The following FIS1 variants were observed in gnomAD, a reference collection of about 807,000 sequenced individuals.
FIS1 encodes the protein fission, mitochondrial 1, also known as mitochondrial fission 1 protein.
FIS1 carries 16 observed loss-of-function variants against 21.6 expected under a neutral mutation model. The observed-to-expected ratio is 0.74, with a 90% CI of 0.50 to 1.12. FIS1 has a LOEUF of 1.12. Ranked by LOEUF, FIS1 falls within the 50% of genes most tolerant of loss-of-function variation. The probability of loss-of-function intolerance (pLI) is 0.00; values close to 1 mark genes in which losing one functional copy is unlikely to be tolerated. For synonymous variants in FIS1, 92 were observed against 82.2 expected, an observed-to-expected ratio of 1.12 and a Z score of -0.65; for missense variants, 198 against 190.9, an observed-to-expected ratio of 1.04 and a Z score of -0.22.
At chr7:101,244,889 G>C in intron 1 of FIS1, 71 bp downstream of exon 1, 2 of 1,583,948 alleles carry the variant, frequency 1.3e-6, no homozygotes, top group Non-Finnish European at 1.7e-6. Flanking sequence ...AGGAGGGTTC[G>C]GCCCCTACCT....
At chr7:101,240,797 AG>A in intron 3 of FIS1, 32 bp downstream of exon 3, 1 of 1,605,614 alleles carries the variant, frequency 6.2e-7, no homozygotes, top group Non-Finnish European at 8.5e-7. Context: ...GCAGCCCCAG[AG>A]GAGGGTGAAG....
intron 1 of FIS1, 166 bp downstream of exon 1, chr7:101,244,794 T>C (rs940500791): frequency 2.0e-5 from 15 of 761,286 alleles, no homozygotes; most frequent in East Asian, 8.1e-5. Context: ...CTCTGCGGCA[T>C]AGCAGGCCCT....
chr7:101,241,273 T>G (rs1446279938), intron 2 of FIS1: 1 of 214,406 alleles, frequency 4.7e-6, no homozygotes, highest in Non-Finnish European at 9.5e-6. Flanking sequence ...CAGGCTGCGG[T>G]GCAATGGCGT....
chr7:101,240,341 C>T, intron 3 of FIS1, 94 bp from the exon 4 acceptor site: 1 of 1,294,366 alleles, frequency 7.7e-7, no homozygotes, highest in Non-Finnish European at 1.1e-6. Flanking sequence ...CTCTGTTGCC[C>T]ACGCTGGACG....
chr7:101,243,174 T>C (rs1337295937), intron 2 of FIS1, among the ~76,000 whole-genome samples: 1 of 152,176 alleles, frequency 6.6e-6, no homozygotes, highest in African/African-American at 2.4e-5. Context: ...TGCTTATAAA[T>C]GATTATTTGA....
intron 2 of FIS1, among the ~76,000 whole-genome samples, chr7:101,242,460 C>G (rs527709117): frequency 3.8e-4 from 56 of 148,294 alleles, no homozygotes; most frequent in Admixed American, 3.4e-3. Context: ...TTATTTGTAT[C>G]TTTTAAGAAA....
chr7:101,241,001 C>G, intron 2 of FIS1, 95 bp from the exon 3 acceptor site: 1 of 1,228,212 alleles, frequency 8.1e-7, no homozygotes, highest in Non-Finnish European at 1.2e-6. Context: ...CTGAATGCCT[C>G]TGTGATCCTG....
At position 101,239,921 on chromosome 7, in the gene FIS1, C is replaced by T. The variant is rs1356978982; in HGVS notation, c.362-18G>A. On this transcript the variant is annotated intron_variant, in intron 4 of 4. Transcript: ENST00000223136. ...GAGTCCATCTGGGGAAGGAAAGGGACAGTGTCAGGAGCCCGGCCCCTGCGG... is the reference window on the plus strand; with the variant it reads ...GAGTCCATCTGGGGAAGGAAAGGGATAGTGTCAGGAGCCCGGCCCCTGCGG... The T allele has an allele frequency of 6.3e-7, 1 of 1,584,818 alleles. No individual in the cohort carries two copies. The highest frequency in any genetic ancestry group is 1.1e-5 in the South Asian group (1 of 87,922).
At position 101,240,296 on chromosome 7, in the gene FIS1, T is replaced by C. The variant is rs771933452; in HGVS notation, c.256-49A>G. 3.8e-6 allele frequency: 6 copies of C among 1,579,226 alleles called. No individual in the cohort carries two copies. The African/African-American group carries it at 6.7e-5, about 18-fold the overall frequency. On this transcript the variant is annotated intron_variant, in intron 3 of 4. Coordinates refer to ENST00000223136, the MANE Select transcript of FIS1 (RefSeq NM_016068.3). ...CGTCATACACACCGCAGTGTTTTTTTGTTTGTTTGTTTTTTAATAAGAGAC... is the reference window on the plus strand; with the variant it reads ...CGTCATACACACCGCAGTGTTTTTTCGTTTGTTTGTTTTTTAATAAGAGAC...
chr7:101,240,112 G>T (rs370319087), intron 4 of FIS1, 30 bp downstream of exon 4: 3 of 1,606,736 alleles, frequency 1.9e-6, no homozygotes, highest in Non-Finnish European at 2.6e-6. Context: ...GGGGAAGAGC[G>T]GGGCTGAACA....
rs769503978 is a variant in FIS1, at chr7:101,240,863, G to A, written c.222C>T (p.Val74=). 6.2e-7 allele frequency: 1 copy of A among 1,614,144 alleles called. No homozygotes were observed. The highest frequency in any genetic ancestry group is 2.2e-5 in the East Asian group (1 of 44,880). The change falls in exon 3 of 5, where the codon GTC becomes GTT. Residue 74 remains valine, a synonymous_variant. Transcript: ENST00000223136. ...GGTAGTTCCCCACGGCCAGGTAGAAGACGTAATCCCGCTGTTCCTCCTTGC... is the reference window on the plus strand; with the variant it reads ...GGTAGTTCCCCACGGCCAGGTAGAAAACGTAATCCCGCTGTTCCTCCTTGC... ...KGSKEEQRDY[V]FYLAVGNYRL...
In FIS1 at chr7:101,240,916, G is replaced by A. The variant is rs1798739440; in HGVS notation, c.179-10C>T. On this transcript the variant is annotated splice_polypyrimidine_tract_variant and intron_variant, in intron 2 of 4. Transcript: ENST00000223136. ...CCTTTGGGCAGCAGCTCTGGGGAGG[G>A]GCAGAGAAGAGGGTGAGAAATGCTT... 2.5e-6 allele frequency: 4 copies of A among 1,613,848 alleles called. No homozygotes were observed. The highest frequency in any genetic ancestry group is 1.7e-6 in the Non-Finnish European group (2 of 1,179,802).
In FIS1 at chr7:101,240,922, G is replaced by A; in HGVS notation, c.179-16C>T. On this transcript the variant is annotated splice_polypyrimidine_tract_variant and intron_variant, in intron 2 of 4. Transcript: ENST00000223136. ...GGCAGCAGCTCTGGGGAGGGGCAGA[G>A]AAGAGGGTGAGAAATGCTTCTTTCC... is the stretch of plus-strand genomic sequence containing the variant. 6.2e-7 allele frequency: 1 copy of A among 1,613,394 alleles called. No homozygotes were observed. The highest frequency in any genetic ancestry group is 1.1e-5 in the South Asian group (1 of 91,070).
chr7:101,240,444 G>C (rs994887424), intron 3 of FIS1, among the ~76,000 whole-genome samples, 197 bp from the exon 4 acceptor site: 11 of 152,126 alleles, frequency 7.2e-5, no homozygotes, highest in Non-Finnish European at 1.6e-4. Flanking sequence ...GATTACAGGC[G>C]TGAGCCACTG....
At chr7:101,244,268 T>C (rs1015563452) in intron 1 of FIS1, 129 bp from the exon 2 acceptor site, 1 of 1,255,344 alleles carries the variant, frequency 8.0e-7, no homozygotes, top group Non-Finnish European at 1.1e-6. Flanking sequence ...CAGCTTCTGC[T>C]ATCTCCATGC....
Position 101,239,882 on chromosome 7 carries a change from A to G in FIS1, c.383T>C (p.Ile128Thr). The change falls in exon 5 of 5, where the codon ATC becomes ACC. Residue 128 changes from isoleucine (I) to threonine (T), a missense_variant. Transcript: ENST00000223136. The stretch of plus-strand genomic sequence containing the variant: ...CACACCCAGGGCCATGCCTCCCACG[A>G]TGGCCATGCCCACGAGTCCATCTGG... ...MKKDGLVGMAIVGGMALGVAG... is the reference protein window; with the variant it reads ...MKKDGLVGMATVGGMALGVAG... 2 of 1,608,048 alleles carry G rather than the reference A, an allele frequency of 1.2e-6. No individual in the cohort carries two copies. Among genetic ancestry groups the G allele is most frequent in the Non-Finnish European group, 1.7e-6 (2 of 1,177,384 alleles).
intron 2 of FIS1, chr7:101,241,124 GC>G (rs1359044436): frequency 1.7e-6 from 1 of 584,216 alleles, no homozygotes; most frequent in Non-Finnish European, 3.1e-6. Flanking sequence ...GACAGAACAT[GC>G]CTTTTATCAG....
At chr7:101,241,191 G>T in intron 2 of FIS1, 1 of 401,396 alleles carries the variant, frequency 2.5e-6, no homozygotes, top group Non-Finnish European at 4.5e-6. Context: ...CCCTGGAGAA[G>T]CCAAAGGCAG....
chr7:101,245,049 A>G lies in FIS1; in HGVS notation c.-45T>C, dbSNP rs1221674373. 3 of 1,608,134 alleles carry G rather than the reference A, an allele frequency of 1.9e-6. No individual in the cohort carries two copies. The highest frequency in any genetic ancestry group is 1.1e-5 in the South Asian group (1 of 90,268). Reference sequence around the variant, plus strand: ...CTCACACTACAGTCTACTGTGCCACAGTCTCCATGGCCCAGTGGCAGGGGC... The same window carrying G: ...CTCACACTACAGTCTACTGTGCCACGGTCTCCATGGCCCAGTGGCAGGGGC... On this transcript the variant is annotated 5_prime_UTR_variant, in exon 1 of 5. Transcript: ENST00000223136.
Sources: gnomAD v4.1 joint callset for allele counts (sites outside exome capture counted in the v4.1 genomes callset) on GRCh38, gnomAD v4.1.1 for gene constraint, MANE v1.5 for transcripts, NCBI Gene and HGNC (gene_info 2026-07-23, HGNC 2026-07-21) for gene names.